The following CACNG4 variants were observed in gnomAD, a reference collection of about 807,000 sequenced individuals.
CACNG4 encodes the protein calcium voltage-gated channel auxiliary subunit gamma 4, also known as voltage-dependent calcium channel gamma-4 subunit.
A neutral mutation model predicts 22.9 loss-of-function variants in CACNG4; 8 were observed. That is an observed-to-expected ratio of 0.35 (90% CI 0.21 to 0.63). The LOEUF is 0.63. Among genes scored for constraint, CACNG4 ranks in the 30% least tolerant of loss-of-function variants. CACNG4 has a pLI of 0.72. For missense variants in CACNG4, 357 were observed against 455.4 expected, an observed-to-expected ratio of 0.78 and a Z score of 1.97; for synonymous variants, 188 against 191.9, an observed-to-expected ratio of 0.98 and a Z score of 0.17.
chr17:66,977,087 A>C (rs2035242526), intron 1 of CACNG4, among the ~76,000 whole-genome samples: 1 of 150,212 alleles, frequency 6.7e-6, no homozygotes, highest in African/African-American at 2.5e-5. Context: ...CCTTCCCTCC[A>C]CCTCTCTCCA....
intron 1 of CACNG4, among the ~76,000 whole-genome samples, chr17:67,015,584 AT>A (rs1346600170): frequency 6.6e-6 from 1 of 152,188 alleles, no homozygotes; most frequent in African/African-American, 2.4e-5. Flanking sequence ...CTCTACAATT[AT>A]TTCAAGACAA....
At position 67,031,822 on chromosome 17, in the gene CACNG4, C is replaced by A; in HGVS notation, c.*818C>A. The A allele has an allele frequency of 6.6e-6, 3 of 456,690 alleles. No individual in the cohort carries two copies. The highest frequency in any genetic ancestry group is 1.3e-5 in the Non-Finnish European group (3 of 226,974). 28.3% of individuals were successfully genotyped at this position (456,690 alleles called of 1,614,324 possible). ...GAATGGCGGCCACGTGACCTCTTGC[C>A]GTGCCCCTTGTCATAGACCCAAGGA... On this transcript the variant is annotated 3_prime_UTR_variant, in exon 4 of 4. Coordinates refer to ENST00000262138, the MANE Select transcript of CACNG4 (RefSeq NM_014405.4). The surrounding 1 kb of genome is among the most constrained non-coding windows in gnomAD (Gnocchi z 4.0).
Position 67,030,114 on chromosome 17 carries a change from A to G in CACNG4, c.446-352A>G, listed in dbSNP as rs755701606. ...TCTCAGATGTACTGTTAAGAGAAAA[A>G]CTAAGCAGCCAGAGTACTGTGCAAA... On this transcript the variant is annotated intron_variant, in intron 3 of 3. Coordinates refer to ENST00000262138, the MANE Select transcript of CACNG4 (RefSeq NM_014405.4). This position sits in a 1 kb window ranked among gnomAD's most constrained non-coding sequence, Gnocchi z 6.4. Among the ~76,000 whole-genome samples the G allele has an allele frequency of 5.9e-5, 9 of 152,046 alleles. No individual in the cohort carries two copies. The highest frequency in any genetic ancestry group is 1.2e-4 in the Non-Finnish European group (8 of 68,034).
intron 1 of CACNG4, among the ~76,000 whole-genome samples, chr17:66,969,329 C>T (rs573294341): frequency 3.3e-5 from 5 of 152,326 alleles, no homozygotes; most frequent in Admixed American, 6.5e-5. Flanking sequence ...AGGGTCCTGG[C>T]GCCTCAGCCG....
intron 1 of CACNG4, among the ~76,000 whole-genome samples, chr17:67,005,068 T>A (rs34200822): frequency 1.0e-3 from 153 of 152,088 alleles, no homozygotes; most frequent in Admixed American, 2.8e-3. Context: ...TCCCAAAGGA[T>A]GGAAGGGAGA....
chr17:67,016,609 G>C (rs773202860), intron 1 of CACNG4, among the ~76,000 whole-genome samples: 1 of 152,192 alleles, frequency 6.6e-6, no homozygotes, highest in Non-Finnish European at 1.5e-5. Context: ...GCAACAGGGG[G>C]CGCTTGCAGC....
chr17:67,002,618 T>TTC (rs58727233), intron 1 of CACNG4, among the ~76,000 whole-genome samples: 5,268 of 145,418 alleles, frequency 0.036, 133 homozygotes, highest in African/African-American at 0.07. Context: ...ATCTCTCTCT[T>TTC]TCTCTCTCTC....
intron 3 of CACNG4, among the ~76,000 whole-genome samples, chr17:67,028,900 GA>G (rs1252659297): frequency 6.6e-6 from 1 of 152,218 alleles, no homozygotes; most frequent in East Asian, 1.9e-4. Context: ...CCAGAAGTCT[GA>G]TAATATTCAT....
At position 67,009,399 on chromosome 17, in the gene CACNG4, G is replaced by GA. The variant is rs1266192232; in HGVS notation, c.221-8790_221-8789insA. Among the ~76,000 whole-genome samples, 3 of 152,162 alleles carry GA rather than the reference G, an allele frequency of 2.0e-5. No individual in the cohort carries two copies. The East Asian group carries it at 5.8e-4, about 29-fold the overall frequency. Reference sequence around the variant, plus strand: ...AAACCACGTCCAAGGATAGGAGCCAGTGTCTCCCCAAACCAAGAACATCGC... The same window carrying GA: ...AAACCACGTCCAAGGATAGGAGCCAGATGTCTCCCCAAACCAAGAACATCGC... On this transcript the variant is annotated intron_variant, in intron 1 of 3. Coordinates refer to ENST00000262138, the MANE Select transcript of CACNG4 (RefSeq NM_014405.4).
chr17:66,998,308 C>T (rs2035387263), intron 1 of CACNG4, among the ~76,000 whole-genome samples: 1 of 152,082 alleles, frequency 6.6e-6, no homozygotes, highest in Non-Finnish European at 1.5e-5. Context: ...CTGCAGCCTC[C>T]AACTCTGGGC....
intron 2 of CACNG4, among the ~76,000 whole-genome samples, chr17:67,020,843 G>C (rs1422461517): frequency 1.3e-5 from 2 of 152,172 alleles, no homozygotes; most frequent in Non-Finnish European, 2.9e-5. Context: ...GCACAGGAGG[G>C]AGGTCTCTGG....
At chr17:66,994,327 CAA>C (rs142191712) in intron 1 of CACNG4, among the ~76,000 whole-genome samples, 4 of 125,674 alleles carry the variant, frequency 3.2e-5, no homozygotes, top group Admixed American at 8.4e-5. Context: ...ACCCTATTTC[CAA>C]AAAAAAAAAA....
intron 1 of CACNG4, among the ~76,000 whole-genome samples, chr17:67,010,039 G>C (rs1037052843): frequency 2.0e-5 from 3 of 151,890 alleles, no homozygotes; most frequent in South Asian, 2.1e-4. Context: ...TGCCAGGACA[G>C]CTGTGGTTTG....
At chr17:66,988,866 C>T (rs1199563420) in intron 1 of CACNG4, among the ~76,000 whole-genome samples, 1 of 152,078 alleles carries the variant, frequency 6.6e-6, no homozygotes, top group Non-Finnish European at 1.5e-5. Flanking sequence ...CAAGACCAGC[C>T]TGACCAACGT....
At chr17:66,986,863 A>T (rs952060302) in intron 1 of CACNG4, among the ~76,000 whole-genome samples, 49 of 152,330 alleles carry the variant, frequency 3.2e-4, no homozygotes, top group African/African-American at 1.2e-3. Context: ...TACCCTAATG[A>T]CATCATCCTT....
intron 2 of CACNG4, among the ~76,000 whole-genome samples, chr17:67,022,725 G>A (rs1269099548): frequency 6.6e-6 from 1 of 152,248 alleles, no homozygotes; most frequent in Non-Finnish European, 1.5e-5. Flanking sequence ...GCCACCAAGG[G>A]TCCATGCAGC....
intron 1 of CACNG4, among the ~76,000 whole-genome samples, chr17:66,986,841 T>C (rs1192869840): frequency 6.6e-6 from 1 of 152,242 alleles, no homozygotes; most frequent in African/African-American, 2.4e-5. Flanking sequence ...CCAGTCATAC[T>C]GGATTAGGGT....
intron 1 of CACNG4, among the ~76,000 whole-genome samples, chr17:66,991,098 C>G (rs2035337686): frequency 6.6e-6 from 1 of 152,018 alleles, no homozygotes; most frequent in African/African-American, 2.4e-5. Context: ...GAATGGCGCT[C>G]CCTCCCTCCC....
At chr17:67,007,041 G>A (rs1451198311) in intron 1 of CACNG4, among the ~76,000 whole-genome samples, 5 of 152,138 alleles carry the variant, frequency 3.3e-5, no homozygotes, top group Non-Finnish European at 5.9e-5. Flanking sequence ...CAGGCATGGT[G>A]GCCGGTGCCT....
Sources: allele counts gnomAD v4.1 joint callset (sites outside exome capture counted in the v4.1 genomes callset), GRCh38; gene constraint gnomAD v4.1.1; non-coding constraint Gnocchi (gnomAD v3.1); transcripts MANE v1.5; gene names NCBI Gene and HGNC (gene_info 2026-07-23, HGNC 2026-07-21).